AKAP6: variants seen among roughly 807,000 people sequenced by gnomAD.
AKAP6 encodes the protein A-kinase anchor protein 6.
In AKAP6, 58 loss-of-function variants were observed where a neutral mutation model predicts 188.5. The ratio of observed to expected loss-of-function variants is 0.31; its 90% CI spans 0.25 to 0.38. The LOEUF (loss-of-function observed/expected upper bound fraction) is 0.38. Ranked by LOEUF, AKAP6 falls within the 10% of genes least tolerant of loss-of-function variation. The probability of loss-of-function intolerance (pLI) is 1.00; values close to 1 mark genes in which losing one functional copy is unlikely to be tolerated. For missense variants in AKAP6, 2,710 were observed against 2,740.0 expected, an observed-to-expected ratio of 0.99 and a Z score of 0.24; for synonymous variants, 989 against 998.6, an observed-to-expected ratio of 0.99 and a Z score of 0.18.
At chr14:32,663,068 T>C (rs1323641952) in intron 7 of AKAP6, among the ~76,000 whole-genome samples, 2 of 152,152 alleles carry the variant, frequency 1.3e-5, no homozygotes, top group African/African-American at 4.8e-5. Context: ...ATAGGCTAAT[T>C]GATTTTTATT....
In AKAP6 at chr14:32,690,076, T is replaced by TACACACACAC. The variant is rs10658220; in HGVS notation, c.2880-5879_2880-5870dup. On this transcript the variant is annotated intron_variant, in intron 8 of 13. Transcript: ENST00000280979. Reference sequence around the variant, plus strand: ...AGATGTATTCTTAAGTGCCCCAAAATACACACACACACACACACACACACA... The same window carrying TACACACACAC: ...AGATGTATTCTTAAGTGCCCCAAAATACACACACACACACACACACACACACACACACACA... Among the ~76,000 whole-genome samples the TACACACACAC allele has an allele frequency of 3.5e-3, 470 of 136,010 alleles. 3 individuals carry two copies. The highest frequency in any genetic ancestry group is 8.1e-3 in the African/African-American group (299 of 36,856). The allele number at this position is 136,010 out of a possible 152,430, so 89.2% of individuals were successfully genotyped here.
At chr14:32,736,743 C>G (rs1226141059) in intron 11 of AKAP6, among the ~76,000 whole-genome samples, 13 of 152,018 alleles carry the variant, frequency 8.6e-5, no homozygotes, top group Non-Finnish European at 1.9e-4. Context: ...ATCGTAGGAC[C>G]AGGTTTTATT....
chr14:32,748,096 G>T (rs1057460127), intron 11 of AKAP6, among the ~76,000 whole-genome samples: 46 of 152,148 alleles, frequency 3.0e-4, no homozygotes, highest in African/African-American at 1.1e-3. Context: ...ACTCTTAACT[G>T]ATCTCTTAAA....
Position 32,535,352 on chromosome 14 carries a change from T to C in AKAP6, c.325-202T>C, listed in dbSNP as rs143132851. On this transcript the variant is annotated intron_variant, in intron 2 of 13. Transcript: ENST00000280979. ...TGTGTGGTTTAGAAAAAGATTGATTTACCTAAATGACCGAAGGCCCAGTGC... is the reference window on the plus strand; with the variant it reads ...TGTGTGGTTTAGAAAAAGATTGATTCACCTAAATGACCGAAGGCCCAGTGC... Among the ~76,000 whole-genome samples, 431 of 152,320 alleles carry C rather than the reference T, an allele frequency of 2.8e-3. 3 individuals carry two copies. Among genetic ancestry groups the C allele is most frequent in the African/African-American group, 9.4e-3 (390 of 41,566 alleles).
intron 12 of AKAP6, among the ~76,000 whole-genome samples, chr14:32,774,471 T>TAA (rs2032993332): frequency 6.6e-6 from 1 of 152,224 alleles, no homozygotes; most frequent in African/African-American, 2.4e-5. Context: ...AGTTTCCTCT[T>TAA]AGAGTTTTAA....
At chr14:32,813,289 G>GT (rs1259182582) in intron 12 of AKAP6, among the ~76,000 whole-genome samples, 1 of 151,990 alleles carries the variant, frequency 6.6e-6, no homozygotes, top group Non-Finnish European at 1.5e-5. Context: ...CATTTCTCCA[G>GT]GTACCTTACC....
In AKAP6 at chr14:32,837,178, T is replaced by A. The variant is rs2034883516; in HGVS notation, c.*7373T>A. 1.3e-5 allele frequency: 2 copies of A among 152,346 alleles called. No homozygotes were observed. The highest frequency in any genetic ancestry group is 4.8e-5 in the African/African-American group (2 of 41,590). The allele number at this position is 152,346 out of a possible 1,614,324, so 9.4% of individuals were successfully genotyped here. On this transcript the variant is annotated 3_prime_UTR_variant, in exon 14 of 14. Coordinates refer to ENST00000280979, the MANE Select transcript of AKAP6 (RefSeq NM_004274.5). ...TGACTAGGATCACCAGATGTAGATTTGGTAATTTTTCCATACCATTAAGAT... is the reference window on the plus strand; with the variant it reads ...TGACTAGGATCACCAGATGTAGATTAGGTAATTTTTCCATACCATTAAGAT...
At chr14:32,495,927 A>G (rs1032088503) in intron 2 of AKAP6, among the ~76,000 whole-genome samples, 7 of 152,202 alleles carry the variant, frequency 4.6e-5, no homozygotes, top group African/African-American at 9.6e-5. Context: ...AGTGTAAGTA[A>G]CATAAATTGC....
chr14:32,387,568 G>T (rs920927026), intron 1 of AKAP6, among the ~76,000 whole-genome samples: 1 of 149,924 alleles, frequency 6.7e-6, no homozygotes, highest in Admixed American at 6.7e-5. Context: ...GCTGGATTTT[G>T]TTTAATGCTT....
chr14:32,338,099 CTTTTG>C (rs1466508690), intron 1 of AKAP6, among the ~76,000 whole-genome samples: 1 of 151,822 alleles, frequency 6.6e-6, no homozygotes, highest in Admixed American at 6.6e-5. Flanking sequence ...AGAGTTTTTC[CTTTTG>C]TTTTTTGCTT....
chr14:32,599,559 G>A (rs1885839115), intron 6 of AKAP6, 53 bp downstream of exon 6: 1 of 1,413,866 alleles, frequency 7.1e-7, no homozygotes, highest in Non-Finnish European at 9.9e-7. Flanking sequence ...TATTAAGAAT[G>A]AAGAAGCATT....
intron 2 of AKAP6, among the ~76,000 whole-genome samples, chr14:32,442,134 T>A (rs1348382621): frequency 6.6e-6 from 1 of 152,126 alleles, no homozygotes; most frequent in Non-Finnish European, 1.5e-5. Flanking sequence ...ATACTAGGAG[T>A]CTTACTTATA....
chr14:32,654,364 T>C (rs1888360899), intron 7 of AKAP6, among the ~76,000 whole-genome samples: 1 of 152,102 alleles, frequency 6.6e-6, no homozygotes, highest in Non-Finnish European at 1.5e-5. Flanking sequence ...GGATGTTCTG[T>C]TGTGGAATGA....
At chr14:32,645,188 T>C (rs951103905) in intron 7 of AKAP6, among the ~76,000 whole-genome samples, 1 of 152,204 alleles carries the variant, frequency 6.6e-6, no homozygotes, top group African/African-American at 2.4e-5. Flanking sequence ...AATTAGGTTA[T>C]TAAATAAAAA....
chr14:32,765,131 C>T (rs1490974337), intron 11 of AKAP6, among the ~76,000 whole-genome samples: 5 of 151,900 alleles, frequency 3.3e-5, no homozygotes, highest in Non-Finnish European at 2.9e-5. Flanking sequence ...GACGGGGTTT[C>T]ACCATGTTGG....
chr14:32,580,034 C>T (rs1019960601), intron 5 of AKAP6, among the ~76,000 whole-genome samples: 1 of 151,946 alleles, frequency 6.6e-6, no homozygotes, highest in Non-Finnish European at 1.5e-5. Flanking sequence ...TGGCAACCTC[C>T]AATATTTATT....
chr14:32,644,082 G>A (rs988732654), intron 7 of AKAP6, among the ~76,000 whole-genome samples: 5 of 152,194 alleles, frequency 3.3e-5, no homozygotes, highest in Non-Finnish European at 7.3e-5. Context: ...GCAGACCCTT[G>A]AGGATGAGAC....
chr14:32,611,757 C>T (rs994393057), intron 7 of AKAP6, among the ~76,000 whole-genome samples: 3 of 151,862 alleles, frequency 2.0e-5, no homozygotes, highest in African/African-American at 7.3e-5. Flanking sequence ...TTTCATGGAG[C>T]GAGAGTGAAC....
chr14:32,538,152 A>G (rs1481272067), intron 3 of AKAP6, among the ~76,000 whole-genome samples: 1 of 152,108 alleles, frequency 6.6e-6, no homozygotes, highest in East Asian at 1.9e-4. Context: ...CTGATCCTTT[A>G]TTTCTGTGTG....
Sources: gnomAD v4.1 joint callset for allele counts (sites outside exome capture counted in the v4.1 genomes callset) on GRCh38, gnomAD v4.1.1 for gene constraint, MANE v1.5 for transcripts, NCBI Gene and HGNC (gene_info 2026-07-23, HGNC 2026-07-21) for gene names.